Variants in PKIB observed in about 807,000 individuals in gnomAD.
The protein encoded by PKIB is PKI-beta.
A neutral mutation model predicts 4.5 loss-of-function variants in PKIB; 2 were observed. The ratio of observed to expected loss-of-function variants is 0.44; its 90% CI spans 0.18 to 1.39. The LOEUF is 1.39. Ranked by LOEUF, PKIB falls within the 40% of genes most tolerant of loss-of-function variation. The probability of loss-of-function intolerance (pLI) is 0.27; values close to 1 mark genes in which losing one functional copy is unlikely to be tolerated. For synonymous variants in PKIB, 38 were observed against 36.0 expected, an observed-to-expected ratio of 1.06 and a Z score of -0.20; for missense variants, 94 against 92.6, an observed-to-expected ratio of 1.02 and a Z score of -0.06.
intron 2 of PKIB, among the ~76,000 whole-genome samples, chr6:122,646,296 A>G (rs1005675697): frequency 6.6e-6 from 1 of 152,210 alleles, no homozygotes; most frequent in Non-Finnish European, 1.5e-5. Flanking sequence ...TTGGGGGAAT[A>G]TCAGCCCCAG....
intron 3 of PKIB, among the ~76,000 whole-genome samples, chr6:122,602,955 C>CAAA (rs71021410): frequency 1.3e-3 from 96 of 74,618 alleles, no homozygotes; most frequent in African/African-American, 1.8e-3. Context: ...GACTGCGTCT[C>CAAA]AAAAAAAAAA....
intron 2 of PKIB, chr6:122,483,154 C>A (rs985565308): frequency 1.3e-5 from 2 of 152,074 alleles, no homozygotes; most frequent in Non-Finnish European, 2.9e-5. Context: ...AGTAAGTTAT[C>A]TCTTTTTCTT....
At chr6:122,580,453 A>C (rs1773670022) in intron 2 of PKIB, among the ~76,000 whole-genome samples, 1 of 152,146 alleles carries the variant, frequency 6.6e-6, no homozygotes, top group Admixed American at 6.5e-5. Flanking sequence ...CATTAAGTGA[A>C]CTATTAAAAT....
intron 3 of PKIB, among the ~76,000 whole-genome samples, chr6:122,700,757 G>A (rs1778778514): frequency 1.3e-5 from 2 of 152,192 alleles, no homozygotes; most frequent in African/African-American, 4.8e-5. Flanking sequence ...AAAATCACCT[G>A]TGGTGCAAAC....
intron 2 of PKIB, among the ~76,000 whole-genome samples, chr6:122,633,782 T>C (rs1018170733): frequency 6.6e-6 from 1 of 152,218 alleles, no homozygotes; most frequent in African/African-American, 2.4e-5. Flanking sequence ...TTCTTATTAC[T>C]ACTCTCCTCA....
intron 2 of PKIB, among the ~76,000 whole-genome samples, chr6:122,652,350 A>C (rs1338408910): frequency 6.6e-6 from 1 of 151,132 alleles, no homozygotes; most frequent in Non-Finnish European, 1.5e-5. Flanking sequence ...AGAGAGATTT[A>C]TTGAAAAGAA....
intron 2 of PKIB, among the ~76,000 whole-genome samples, chr6:122,563,380 T>C (rs543666472): frequency 5.8e-4 from 89 of 152,198 alleles, no homozygotes; most frequent in African/African-American, 2.0e-3. Flanking sequence ...GGGGGTGCAA[T>C]GGACTCCATG....
At chr6:122,525,169 G>A (rs907364968) in intron 2 of PKIB, among the ~76,000 whole-genome samples, 4 of 151,624 alleles carry the variant, frequency 2.6e-5, no homozygotes, top group South Asian at 4.2e-4. Flanking sequence ...TCTGTTACAA[G>A]GTATTATATA....
At chr6:122,666,465 G>A (rs1002006733) in intron 2 of PKIB, among the ~76,000 whole-genome samples, 2 of 151,390 alleles carry the variant, frequency 1.3e-5, no homozygotes, top group Non-Finnish European at 1.5e-5. Context: ...GTTGTGTTTT[G>A]TTTTTGTTTT....
Position 122,578,799 on chromosome 6 carries a change from G to A in PKIB, c.-247-7122G>A, listed in dbSNP as rs116921825. ...CATAATCTCCATGTGTCGTGGGAGG[G>A]ACCTGGTGGAAGGTAAACGAATCAT... On this transcript the variant is annotated intron_variant, in intron 2 of 6. Transcript: ENST00000392491. 6.9e-3 allele frequency among the ~76,000 whole-genome samples: 1,057 copies of A among 152,270 alleles called. 12 individuals are homozygous for A. Among genetic ancestry groups the A allele is most frequent in the Non-Finnish European group, 0.01 (707 of 68,028 alleles).
Position 122,501,710 on chromosome 6 carries a change from C to G in PKIB, c.-248+23771C>G, listed in dbSNP as rs1156851696. Among the ~76,000 whole-genome samples the G allele has an allele frequency of 5.3e-5, 8 of 152,262 alleles. No homozygotes were observed. The East Asian group carries it at 1.6e-3, about 30-fold the overall frequency. On this transcript the variant is annotated intron_variant, in intron 2 of 6. Coordinates refer to the PKIB transcript ENST00000392491. Reference sequence around the variant, plus strand: ...CCAGGCCTATGATGGAAGGGGCTACCAGGAACGTCTCTGAAATGCGCTGAA... The same window carrying G: ...CCAGGCCTATGATGGAAGGGGCTACGAGGAACGTCTCTGAAATGCGCTGAA...
chr6:122,612,410 A>G (rs1774796998), intron 1 of PKIB, among the ~76,000 whole-genome samples: 1 of 152,190 alleles, frequency 6.6e-6, no homozygotes, highest in Non-Finnish European at 1.5e-5. Context: ...CTGGTTTTAG[A>G]ACAGTTTACT....
chr6:122,687,550 T>C (rs1265265168), intron 3 of PKIB, among the ~76,000 whole-genome samples: 1 of 152,200 alleles, frequency 6.6e-6, no homozygotes, highest in African/African-American at 2.4e-5. Flanking sequence ...ATCTGTAGAT[T>C]GCTTTGGGTA....
intron 2 of PKIB, among the ~76,000 whole-genome samples, chr6:122,525,299 G>A (rs111752424): frequency 3.3e-5 from 5 of 152,036 alleles, no homozygotes; most frequent in African/African-American, 9.6e-5. Context: ...TCATTCTATT[G>A]TGATTGAAAA....
intron 1 of PKIB, among the ~76,000 whole-genome samples, chr6:122,622,154 G>A (rs1775259685): frequency 6.6e-6 from 1 of 152,048 alleles, no homozygotes; most frequent in Non-Finnish European, 1.5e-5. Flanking sequence ...AAATATTTTA[G>A]GAATAAGTTT....
chr6:122,603,972 G>A (rs1270012092), intron 3 of PKIB, among the ~76,000 whole-genome samples: 1 of 152,138 alleles, frequency 6.6e-6, no homozygotes, highest in Non-Finnish European at 1.5e-5. Flanking sequence ...GTGTGTGTGT[G>A]TACTTATGGT....
At chr6:122,722,790 C>G (rs192477397) in intron 4 of PKIB, among the ~76,000 whole-genome samples, 1 of 152,314 alleles carries the variant, frequency 6.6e-6, no homozygotes, top group Non-Finnish European at 1.5e-5. Context: ...TTCTCCATTT[C>G]TGTTTTGTAA....
chr6:122,722,134 A>G (rs1402972576), intron 4 of PKIB, among the ~76,000 whole-genome samples: 1 of 152,148 alleles, frequency 6.6e-6, no homozygotes, highest in African/African-American at 2.4e-5. Flanking sequence ...TAATATATGA[A>G]AAATCATTTT....
In PKIB at chr6:122,526,469, G is replaced by A. The variant is rs145793739; in HGVS notation, c.-248+48530G>A. 3.0e-4 allele frequency among the ~76,000 whole-genome samples: 45 copies of A among 152,160 alleles called. No homozygotes were observed. In the East Asian group the frequency reaches 7.2e-3, roughly 24 times the overall value. On this transcript the variant is annotated intron_variant, in intron 2 of 6. Transcript: ENST00000392491. ...GTTGAAATTACCCCTTGATCTATGA[G>A]TTGCAGAATGGATGTTGTGTTAGTA...
Sources: allele counts gnomAD v4.1 joint callset (sites outside exome capture counted in the v4.1 genomes callset), GRCh38; gene constraint gnomAD v4.1.1; transcripts MANE v1.5; gene names NCBI Gene and HGNC (gene_info 2026-07-23, HGNC 2026-07-21).